Variants in TPMT observed in about 807,000 individuals in gnomAD.
TPMT encodes the protein thiopurine S-methyltransferase.
TPMT carries 18 observed loss-of-function variants against 34.2 expected under a neutral mutation model. The ratio of observed to expected loss-of-function variants is 0.53; its 90% CI spans 0.36 to 0.78. TPMT has a LOEUF of 0.78. TPMT is among the 30% of genes least tolerant of loss of function. The pLI, the probability that TPMT is intolerant of heterozygous loss-of-function variation, is 0.00. For synonymous variants in TPMT, 69 were observed against 92.4 expected (o/e 0.75, Z 1.45); for missense variants, 265 against 288.1 (o/e 0.92, Z 0.58).
intron 4 of TPMT, among the ~76,000 whole-genome samples, chr6:18,142,720 A>G (rs1268842294): frequency 5.9e-5 from 9 of 151,948 alleles, no homozygotes; most frequent in African/African-American, 2.2e-4. Flanking sequence ...ACCACTCCAC[A>G]GGTCCCTTAA....
intron 4 of TPMT, among the ~76,000 whole-genome samples, chr6:18,141,339 A>ATTT (rs531739139): frequency 3.6e-5 from 5 of 137,960 alleles, no homozygotes; most frequent in African/African-American, 8.0e-5. Flanking sequence ...CTGAGCAACA[A>ATTT]TTTTTTTTTT....
chr6:18,152,744 T>TACA (rs1223152244), intron 1 of TPMT, among the ~76,000 whole-genome samples: 1 of 152,150 alleles, frequency 6.6e-6, no homozygotes. Flanking sequence ...GAGCGTCAGA[T>TACA]ACAACTCTAT....
At chr6:18,141,940 C>T (rs1784149733) in intron 4 of TPMT, among the ~76,000 whole-genome samples, 2 of 152,156 alleles carry the variant, frequency 1.3e-5, no homozygotes, top group South Asian at 4.1e-4. Flanking sequence ...CTGTCAGCCA[C>T]CTGTAGAGTA....
In TPMT at chr6:18,139,114, A is replaced by G; in HGVS notation, c.420-77T>C. 1.1e-5 allele frequency: 14 copies of G among 1,224,690 alleles called. No individual in the cohort carries two copies. Among genetic ancestry groups the G allele is most frequent in the Non-Finnish European group, 1.7e-5 (14 of 824,750 alleles). 75.9% of individuals were successfully genotyped at this position (1,224,690 alleles called of 1,614,324 possible). On this transcript the variant is annotated intron_variant, in intron 5 of 8. Transcript: ENST00000309983. The surrounding 1 kb of genome is among the most constrained non-coding windows in gnomAD (Gnocchi z 4.2). ...AGATGAGCAGCGTCCCCCATGGTGC[A>G]TGCTGGTACTTCAACAATCGTCAAG...
Position 18,132,115 on chromosome 6 carries a change from A to C in TPMT, c.625+18T>G, listed in dbSNP as rs575728583. On this transcript the variant is annotated intron_variant, in intron 8 of 8. Coordinates refer to ENST00000309983, the MANE Select transcript of TPMT (RefSeq NM_000367.5). The surrounding 1 kb of genome is among the most constrained non-coding windows in gnomAD (Gnocchi z 4.8). ...TTGACTTTGTTTAAAAAGTTACAGC[A>C]TAAGTCCACAAACTTACCAAACAAC... 2 of 1,613,788 alleles carry C rather than the reference A, an allele frequency of 1.2e-6. No individual in the cohort carries two copies. Among genetic ancestry groups the C allele is most frequent in the Non-Finnish European group, 1.7e-6 (2 of 1,179,796 alleles).
chr6:18,135,624 C>T lies in TPMT; in HGVS notation c.495-1735G>A, dbSNP rs866145218. 5.3e-5 allele frequency among the ~76,000 whole-genome samples: 8 copies of T among 152,256 alleles called. No homozygotes were observed. In the South Asian group the frequency reaches 1.7e-3, roughly 32 times the overall value. ...CGGTGACTTACATCTGTAATCCCAG[C>T]ACTTTGGGAGGCCGAGGTGGGCAGA... On this transcript the variant is annotated intron_variant, in intron 6 of 8. Transcript: ENST00000309983. This position sits in a 1 kb window ranked among gnomAD's most constrained non-coding sequence, Gnocchi z 5.0.
chr6:18,152,075 C>T (rs1048304605), intron 1 of TPMT, among the ~76,000 whole-genome samples: 1 of 152,184 alleles, frequency 6.6e-6, no homozygotes, highest in Non-Finnish European at 1.5e-5. Context: ...AGAAAAGGAT[C>T]TGGGGATTTG....
rs1210670218 is a variant in TPMT, at chr6:18,135,502, T to A, written c.495-1613A>T. ...AGTCCTAACGAAAGCACCAATATAATGTGCTAACATGGTAAGTACTGAGTA... is the reference window on the plus strand; with the variant it reads ...AGTCCTAACGAAAGCACCAATATAAAGTGCTAACATGGTAAGTACTGAGTA... On this transcript the variant is annotated intron_variant, in intron 6 of 8. Coordinates refer to ENST00000309983, the MANE Select transcript of TPMT (RefSeq NM_000367.5). The surrounding 1 kb of genome is among the most constrained non-coding windows in gnomAD (Gnocchi z 5.0). Among the ~76,000 whole-genome samples, 3 of 152,146 alleles carry A rather than the reference T, an allele frequency of 2.0e-5. No individual in the cohort carries two copies. The highest frequency in any genetic ancestry group is 4.4e-5 in the Non-Finnish European group (3 of 68,022).
rs781515455 is a variant in TPMT at position 18,149,172 on chromosome 6, C to T, written c.-44-1G>A. On this transcript the variant is annotated splice_acceptor_variant, in intron 1 of 8. Coordinates refer to ENST00000309983, the MANE Select transcript of TPMT (RefSeq NM_000367.5). LOFTEE classifies it low-confidence loss of function (5UTR_SPLICE). This position sits in a 1 kb window ranked among gnomAD's most constrained non-coding sequence, Gnocchi z 5.0. The stretch of plus-strand genomic sequence containing the variant: ...TCTCACAAGCATATGTCTTCCGTGC[C>T]TACGTGGAAAATATTTGCAATGTTG... 2.5e-6 allele frequency: 4 copies of T among 1,613,148 alleles called. No individual in the cohort carries two copies. The highest frequency in any genetic ancestry group is 3.4e-6 in the Non-Finnish European group (4 of 1,179,770).
In TPMT at chr6:18,130,500, C is replaced by CT; in HGVS notation, c.*167dup. ...TTAGTTACATCTTTTTCTTCTAAAA[C>CT]TTTTTTAGAAAAAGTAAATGGCTTT... is the stretch of plus-strand genomic sequence containing the variant. On this transcript the variant is annotated 3_prime_UTR_variant, in exon 9 of 9. Transcript: ENST00000309983. This position sits in a 1 kb window ranked among gnomAD's most constrained non-coding sequence, Gnocchi z 4.2. 1.7e-6 allele frequency: 1 copy of CT among 575,410 alleles called. No homozygotes were observed. The highest frequency in any genetic ancestry group is 3.0e-5 in the East Asian group (1 of 32,866). The allele number at this position is 575,410 out of a possible 1,614,324, so 35.6% of individuals were successfully genotyped here.
In TPMT at chr6:18,143,783, G is replaced by C. The variant is rs900803846; in HGVS notation, c.234-55C>G. Reference sequence around the variant, plus strand: ...TTATGTTTTCAAATGACTAAATAGAGGGTTATATTAGAGTAAGCATATATT... The same window carrying C: ...TTATGTTTTCAAATGACTAAATAGACGGTTATATTAGAGTAAGCATATATT... On this transcript the variant is annotated intron_variant, in intron 3 of 8. Transcript: ENST00000309983. The surrounding 1 kb of genome is among the most constrained non-coding windows in gnomAD (Gnocchi z 6.1). The C allele has an allele frequency of 1.3e-6, 2 of 1,599,118 alleles. No individual in the cohort carries two copies. The highest frequency in any genetic ancestry group is 2.7e-5 in the African/African-American group (2 of 74,422).
At position 18,148,084 on chromosome 6, in the gene TPMT, A is replaced by C. The variant is rs775813311; in HGVS notation, c.141-169T>G. On this transcript the variant is annotated intron_variant, in intron 2 of 8. Transcript: ENST00000309983. The surrounding 1 kb of genome is among the most constrained non-coding windows in gnomAD (Gnocchi z 4.1). ...AGGTAACTTGCTCAGACACACACCC[A>C]GTCAGTGGTAAATCTGACTTACACC... Among the ~76,000 whole-genome samples the C allele has an allele frequency of 1.3e-5, 2 of 152,220 alleles. No individual in the cohort carries two copies. Among genetic ancestry groups the C allele is most frequent in the Non-Finnish European group, 2.9e-5 (2 of 68,038 alleles).
intron 1 of TPMT, among the ~76,000 whole-genome samples, chr6:18,151,884 G>C (rs922226362): frequency 6.6e-6 from 1 of 152,090 alleles, no homozygotes; most frequent in African/African-American, 2.4e-5. Context: ...AGTGGGCGAG[G>C]GTCCCAGCAT....
At position 18,135,585 on chromosome 6, in the gene TPMT, C is replaced by G. The variant is rs2518467; in HGVS notation, c.495-1696G>C. 0.78 allele frequency among the ~76,000 whole-genome samples: 119,013 copies of G among 152,082 alleles called. 46,648 individuals are homozygous for G. Among genetic ancestry groups the G allele is most frequent in the East Asian group, 0.81 (4,203 of 5,160 alleles). ...TACCAGCACATATATAAAATACTAA[C>G]ATAAGGCTGGGCACGGTGACTTACA... On this transcript the variant is annotated intron_variant, in intron 6 of 8. Coordinates refer to ENST00000309983, the MANE Select transcript of TPMT (RefSeq NM_000367.5). This position sits in a 1 kb window ranked among gnomAD's most constrained non-coding sequence, Gnocchi z 5.0.
chr6:18,147,131 C>T (rs1784262340), intron 3 of TPMT, among the ~76,000 whole-genome samples: 1 of 151,432 alleles, frequency 6.6e-6, no homozygotes, highest in Non-Finnish European at 1.5e-5. Context: ...CTTTCCTGCT[C>T]AGTGGTCAAA....
chr6:18,147,754 T>C, intron 3 of TPMT, 69 bp downstream of exon 3: 2 of 1,424,562 alleles, frequency 1.4e-6, no homozygotes, highest in South Asian at 1.2e-5. Flanking sequence ...AAAACTCACA[T>C]CCTGTTAAAT....
In TPMT at chr6:18,135,825, TG is replaced by T. The variant is rs1291519380; in HGVS notation, c.495-1937del. On this transcript the variant is annotated intron_variant, in intron 6 of 8. Transcript: ENST00000309983. The surrounding 1 kb of genome is among the most constrained non-coding windows in gnomAD (Gnocchi z 5.0). Reference sequence around the variant, plus strand: ...CAGGGGTTGCAGTGAGCCGAGATCATGCCATTGCACTCCAGCCTGGGCAACA... The same window carrying T: ...CAGGGGTTGCAGTGAGCCGAGATCATCCATTGCACTCCAGCCTGGGCAACA... 6.6e-6 allele frequency among the ~76,000 whole-genome samples: 1 copy of T among 151,964 alleles called. No homozygotes were observed. The highest frequency in any genetic ancestry group is 1.5e-5 in the Non-Finnish European group (1 of 67,994).
intron 4 of TPMT, among the ~76,000 whole-genome samples, chr6:18,141,745 T>G (rs1455807218): frequency 6.6e-6 from 1 of 152,262 alleles, no homozygotes; most frequent in East Asian, 1.9e-4. Flanking sequence ...CACAACTGAT[T>G]CAGGAGTTAA....
rs1310189408 is a variant in TPMT at position 18,150,868 on chromosome 6, C to A, written c.-44-1697G>T. 2.0e-5 allele frequency among the ~76,000 whole-genome samples: 3 copies of A among 152,074 alleles called. No individual in the cohort carries two copies. Among genetic ancestry groups the A allele is most frequent in the African/African-American group, 7.2e-5 (3 of 41,400 alleles). ...AGCTGGGATTACAGGCATGCACTACCAGGTCCAGCTAATTTTTGTGTTTTT... is the reference window on the plus strand; with the variant it reads ...AGCTGGGATTACAGGCATGCACTACAAGGTCCAGCTAATTTTTGTGTTTTT... On this transcript the variant is annotated intron_variant, in intron 1 of 8. Coordinates refer to ENST00000309983, the MANE Select transcript of TPMT (RefSeq NM_000367.5). This position sits in a 1 kb window ranked among gnomAD's most constrained non-coding sequence, Gnocchi z 5.3.
Sources: allele counts gnomAD v4.1 joint callset (sites outside exome capture counted in the v4.1 genomes callset), GRCh38; gene constraint gnomAD v4.1.1; non-coding constraint Gnocchi (gnomAD v3.1); transcripts MANE v1.5; gene names NCBI Gene and HGNC (gene_info 2026-07-23, HGNC 2026-07-21).